Variants in GNAI1 observed in about 807,000 individuals in gnomAD.
The protein encoded by GNAI1 is guanine nucleotide-binding protein G(i) subunit alpha-1.
In GNAI1, 11 loss-of-function variants were observed where a neutral mutation model predicts 38.9. That is an observed-to-expected ratio of 0.28 (90% CI 0.18 to 0.47). The LOEUF is 0.47. Among genes scored for constraint, GNAI1 ranks in the 20% least tolerant of loss-of-function variants. The probability of loss-of-function intolerance (pLI) is 0.99; values close to 1 mark genes in which losing one functional copy is unlikely to be tolerated. For synonymous variants in GNAI1, 166 were observed against 145.1 expected (o/e 1.14, Z -1.04); for missense variants, 317 against 436.9 (o/e 0.73, Z 2.45).
At chr7:80,151,162 C>G (rs1787719545) in intron 1 of GNAI1, among the ~76,000 whole-genome samples, 1 of 152,168 alleles carries the variant, frequency 6.6e-6, no homozygotes, top group African/African-American at 2.4e-5. Flanking sequence ...TGCTTATGTT[C>G]CTCTTTCAGG....
rs760674936 is a variant in GNAI1 at position 80,217,493 on chromosome 7, A to G, written c.1065A>G (p.Ter355=). The G allele has an allele frequency of 6.4e-7, 1 of 1,574,664 alleles. No individual in the cohort carries two copies. The highest frequency in any genetic ancestry group is 8.7e-7 in the Non-Finnish European group (1 of 1,155,542). The change falls in exon 8 of 8, where the codon TAA becomes TAG. Residue 355 remains the stop codon, a stop_retained_variant. Coordinates refer to ENST00000649796, the MANE Select transcript of GNAI1 (RefSeq NM_002069.6). ...ATCTAAAAGATTGTGGTCTCTTTTA[A>G]GTTTTGCAGTTCATGGTAAAATGCA... is the stretch of plus-strand genomic sequence containing the variant. The part of the protein sequence containing the change: ...KNNLKDCGLF[*]
In GNAI1 at chr7:80,222,450, C is replaced by T. The variant is rs1789096298; in HGVS notation, c.*4957C>T. Among the ~76,000 whole-genome samples, 1 of 144,922 alleles carries T rather than the reference C, an allele frequency of 6.9e-6. No homozygotes were observed. The highest frequency in any genetic ancestry group is 1.5e-5 in the Non-Finnish European group (1 of 67,074). ...TTTCCCAGGCTGGAGCGCAATGGTG[C>T]GATCTCGGCTCACCGCAACATCCGC... On this transcript the variant is annotated 3_prime_UTR_variant, in exon 8 of 8. Transcript: ENST00000649796.
intron 3 of GNAI1, among the ~76,000 whole-genome samples, chr7:80,195,877 CT>C (rs1788560953): frequency 1.3e-5 from 2 of 151,910 alleles, no homozygotes; most frequent in Non-Finnish European, 2.9e-5. Context: ...GAGATGAACT[CT>C]GATATCTTTT....
At chr7:80,176,612 A>C (rs1584028750) in intron 1 of GNAI1, among the ~76,000 whole-genome samples, 1 of 152,170 alleles carries the variant, frequency 6.6e-6, no homozygotes, top group African/African-American at 2.4e-5. Context: ...CTCATTTAGC[A>C]TTCTGTATAT....
intron 1 of GNAI1, among the ~76,000 whole-genome samples, chr7:80,139,549 T>C (rs1787485680): frequency 6.6e-6 from 1 of 152,236 alleles, no homozygotes; most frequent in Non-Finnish European, 1.5e-5. Context: ...GCAGAATTTT[T>C]GTAGGTTTTC....
intron 1 of GNAI1, among the ~76,000 whole-genome samples, chr7:80,137,302 T>TC (rs1787434476): frequency 5.0e-5 from 3 of 60,340 alleles, no homozygotes; most frequent in African/African-American, 1.3e-4. Flanking sequence ...TCTTTTTTTT[T>TC]TTTTCTTTTC....
At chr7:80,137,969 A>G (rs1189741054) in intron 1 of GNAI1, among the ~76,000 whole-genome samples, 2 of 152,138 alleles carry the variant, frequency 1.3e-5, no homozygotes, top group African/African-American at 4.8e-5. Context: ...TCTTTTTTGA[A>G]TCCTTAAAGC....
chr7:80,146,680 C>T (rs1258822537), intron 1 of GNAI1, among the ~76,000 whole-genome samples: 1 of 152,124 alleles, frequency 6.6e-6, no homozygotes, highest in Non-Finnish European at 1.5e-5. Flanking sequence ...GCTTGTATTG[C>T]TGAGCCACAG....
intron 1 of GNAI1, among the ~76,000 whole-genome samples, chr7:80,150,222 A>G (rs1176931942): frequency 6.6e-6 from 1 of 152,196 alleles, no homozygotes; most frequent in South Asian, 2.1e-4. Flanking sequence ...ACCAGGAAAA[A>G]TATTTACTAC....
At chr7:80,156,674 C>T (rs1787824017) in intron 1 of GNAI1, among the ~76,000 whole-genome samples, 1 of 152,142 alleles carries the variant, frequency 6.6e-6, no homozygotes, top group Admixed American at 6.5e-5. Context: ...CCTCAAGTGA[C>T]CCTCTTATCG....
chr7:80,214,716 G>A (rs1189023006), intron 7 of GNAI1, among the ~76,000 whole-genome samples: 1 of 152,166 alleles, frequency 6.6e-6, no homozygotes, highest in African/African-American at 2.4e-5. Context: ...GAAGAACCCT[G>A]TGTAGCCCCT....
chr7:80,202,768 C>G (rs1409184016), intron 4 of GNAI1, among the ~76,000 whole-genome samples: 1 of 152,184 alleles, frequency 6.6e-6, no homozygotes, highest in East Asian at 1.9e-4. Flanking sequence ...CTACATTCAG[C>G]TGACCTTAGG....
At chr7:80,198,319 TA>T (rs1262199563) in intron 3 of GNAI1, among the ~76,000 whole-genome samples, 7 of 152,070 alleles carry the variant, frequency 4.6e-5, no homozygotes, top group Non-Finnish European at 4.4e-5. Context: ...AGTATACTGT[TA>T]AAAATCATTT....
Position 80,181,670 on chromosome 7 carries a change from T to C in GNAI1, c.119-7281T>C, listed in dbSNP as rs549153206. Among the ~76,000 whole-genome samples the C allele has an allele frequency of 1.1e-4, 17 of 152,300 alleles. No individual in the cohort carries two copies. In the East Asian group the frequency reaches 3.3e-3, roughly 29 times the overall value. ...TTTCTAGGGTAGCTTTGTGTGTGCA[T>C]TCATTCATTTTTTTAAAACCACATA... On this transcript the variant is annotated intron_variant, in intron 1 of 7. Coordinates refer to ENST00000649796, the MANE Select transcript of GNAI1 (RefSeq NM_002069.6).
intron 1 of GNAI1, among the ~76,000 whole-genome samples, chr7:80,142,057 T>C (rs1787536305): frequency 6.6e-6 from 1 of 152,200 alleles, no homozygotes; most frequent in African/African-American, 2.4e-5. Context: ...TGCTTCTCAC[T>C]TCGTTCTGAG....
chr7:80,200,320 GTC>G (rs1397808852), intron 4 of GNAI1, among the ~76,000 whole-genome samples: 161 of 5,676 alleles, frequency 0.028, 1 homozygote, highest in African/African-American at 0.21. Flanking sequence ...GTGAGGCCAT[GTC>G]TCAAAAAAAA....
chr7:80,201,778 T>G (rs1012031795), intron 4 of GNAI1, among the ~76,000 whole-genome samples: 1 of 152,144 alleles, frequency 6.6e-6, no homozygotes, highest in Non-Finnish European at 1.5e-5. Flanking sequence ...TAGTTTTACA[T>G]TATTTTATTT....
intron 1 of GNAI1, among the ~76,000 whole-genome samples, chr7:80,159,666 C>A (rs1211334425): frequency 6.6e-6 from 1 of 152,064 alleles, no homozygotes; most frequent in African/African-American, 2.4e-5. Flanking sequence ...TTCGTTGTTT[C>A]CTGTTTGGAT....
intron 1 of GNAI1, among the ~76,000 whole-genome samples, chr7:80,185,144 C>A (rs1315564241): frequency 2.0e-5 from 3 of 152,092 alleles, no homozygotes; most frequent in Non-Finnish European, 4.4e-5. Context: ...ACCCCCCAAC[C>A]CCATTTTTTT....
Sources: gnomAD v4.1 joint callset for allele counts (sites outside exome capture counted in the v4.1 genomes callset) on GRCh38, gnomAD v4.1.1 for gene constraint, MANE v1.5 for transcripts, NCBI Gene and HGNC (gene_info 2026-07-23, HGNC 2026-07-21) for gene names.